LUC7L: variants seen among roughly 807,000 people sequenced by gnomAD.
The protein encoded by LUC7L is LUC7 like, also known as putative RNA-binding protein Luc7-like 1.
A neutral mutation model predicts 51.1 loss-of-function variants in LUC7L; 29 were observed. The observed-to-expected ratio is 0.57, with a 90% CI of 0.42 to 0.77. The LOEUF is 0.77. LUC7L is among the 30% of genes least tolerant of loss of function. The pLI is 0.00. For synonymous variants in LUC7L, 181 were observed against 180.7 expected (o/e 1.00, Z -0.01); for missense variants, 403 against 511.9 (o/e 0.79, Z 2.05).
chr16:205,940 T>G, intron 5 of LUC7L, 64 bp downstream of exon 5: 1 of 1,554,744 alleles, frequency 6.4e-7, no homozygotes, highest in South Asian at 1.2e-5. Context: ...CTCAATTAAT[T>G]CCAACGGTCA....
intron 6 of LUC7L, among the ~76,000 whole-genome samples, chr16:198,151 C>G (rs1426928338): frequency 2.0e-5 from 3 of 151,620 alleles, no homozygotes; most frequent in Non-Finnish European, 4.4e-5. Flanking sequence ...TGGTGGCAGG[C>G]ACCTGTAGTC....
At chr16:229,115 C>G in intron 1 of LUC7L, 164 bp downstream of exon 1, 1 of 1,402,704 alleles carries the variant, frequency 7.1e-7, no homozygotes, top group East Asian at 2.8e-5. Context: ...AGAGACGCAC[C>G]GGCTTAGACA....
At chr16:209,608 A>G (rs1316182070) in intron 3 of LUC7L, 2 of 152,158 alleles carry the variant, frequency 1.3e-5, no homozygotes, top group East Asian at 1.9e-4. Context: ...TGATAAACAT[A>G]AATAAGTTTG....
chr16:211,162 C>CT (rs2049629283), intron 3 of LUC7L, among the ~76,000 whole-genome samples: 1 of 151,846 alleles, frequency 6.6e-6, no homozygotes, highest in South Asian at 2.1e-4. Context: ...GAAACCCCAT[C>CT]TCTACTAAAA....
chr16:195,558 G>C (rs1350306342), intron 6 of LUC7L, among the ~76,000 whole-genome samples: 1 of 152,114 alleles, frequency 6.6e-6, no homozygotes, highest in Non-Finnish European at 1.5e-5. Flanking sequence ...TGAGTAGCTG[G>C]ACCTACAGGC....
At chr16:200,970 G>A (rs1336016766) in intron 5 of LUC7L, among the ~76,000 whole-genome samples, 1 of 151,650 alleles carries the variant, frequency 6.6e-6, no homozygotes, top group African/African-American at 2.4e-5. Flanking sequence ...GGATCACAAG[G>A]TCAGGAGTCC....
At chr16:213,883 A>G (rs2049713938) in intron 3 of LUC7L, among the ~76,000 whole-genome samples, 1 of 148,136 alleles carries the variant, frequency 6.8e-6, no homozygotes, top group Non-Finnish European at 1.5e-5. Context: ...CCTGGCTAAT[A>G]TTTTCTATTT....
intron 6 of LUC7L, among the ~76,000 whole-genome samples, chr16:197,139 C>G (rs1424337617): frequency 1.3e-5 from 2 of 150,584 alleles, no homozygotes; most frequent in African/African-American, 4.9e-5. Flanking sequence ...ATCTCCTGAC[C>G]CAGTGATCTG....
chr16:198,868 C>T (rs943522031), intron 6 of LUC7L, among the ~76,000 whole-genome samples, 194 bp downstream of exon 6: 2 of 151,904 alleles, frequency 1.3e-5, no homozygotes, highest in Admixed American at 6.6e-5. Flanking sequence ...TCGGTAGAGA[C>T]GGGGTTTCAC....
intron 3 of LUC7L, among the ~76,000 whole-genome samples, chr16:214,075 G>GTT: frequency 6.8e-6 from 1 of 146,672 alleles, no homozygotes; most frequent in African/African-American, 2.5e-5. Flanking sequence ...ATGAGCAATT[G>GTT]TTTTTTTTTT....
At chr16:191,917 CT>C (rs1456885926) in intron 7 of LUC7L, among the ~76,000 whole-genome samples, 2 of 152,190 alleles carry the variant, frequency 1.3e-5, no homozygotes, top group East Asian at 3.9e-4. Context: ...GTTTGGGAAC[CT>C]TCCTGGACAA....
intron 3 of LUC7L, among the ~76,000 whole-genome samples, chr16:211,373 G>A (rs542357747): frequency 2.0e-5 from 3 of 151,668 alleles, no homozygotes; most frequent in Admixed American, 6.6e-5. Flanking sequence ...CAGGAGAATC[G>A]CTTGAACCTG....
chr16:223,589 C>T (rs888706226), intron 2 of LUC7L, among the ~76,000 whole-genome samples: 1 of 152,064 alleles, frequency 6.6e-6, no homozygotes, highest in Non-Finnish European at 1.5e-5. Context: ...AGAGATAGGA[C>T]AATAGTGGTT....
rs369071194 is a variant in LUC7L, at chr16:223,087, CG to C, written c.157-2341del. On this transcript the variant is annotated intron_variant, in intron 2 of 9. Transcript: ENST00000293872. ...AGCATGTAGCATGCTAGGCTGGGCACGGTGGCTCACTCCTGTAATCCCAGCA... is the reference window on the plus strand; with the variant it reads ...AGCATGTAGCATGCTAGGCTGGGCACGTGGCTCACTCCTGTAATCCCAGCA... Among the ~76,000 whole-genome samples the C allele has an allele frequency of 2.4e-4, 37 of 151,542 alleles. No individual in the cohort carries two copies. In the East Asian group the frequency reaches 5.9e-3, roughly 24 times the overall value.
chr16:214,764 G>A (rs112551236), intron 3 of LUC7L, among the ~76,000 whole-genome samples: 9 of 152,208 alleles, frequency 5.9e-5, no homozygotes, highest in African/African-American at 1.7e-4. Context: ...GGGCTCATGC[G>A]ACCCACCCAC....
intron 3 of LUC7L, among the ~76,000 whole-genome samples, chr16:210,204 T>C (rs185518385): frequency 6.6e-6 from 1 of 152,226 alleles, no homozygotes; most frequent in East Asian, 1.9e-4. Flanking sequence ...GGAGAACTGC[T>C]TGAACCTGGG....
In LUC7L at chr16:224,259, C is replaced by T. The variant is rs573447376; in HGVS notation, c.156+2983G>A. On this transcript the variant is annotated intron_variant, in intron 2 of 9. Transcript: ENST00000293872. ...TGAGGCCGAGCGCGGTGGCTCATGC[C>T]TATAATCCCAGCACTTTGGGAGGCC... is the stretch of plus-strand genomic sequence containing the variant. 1.3e-3 allele frequency among the ~76,000 whole-genome samples: 196 copies of T among 152,024 alleles called. 1 individual carries two copies. The highest frequency in any genetic ancestry group is 4.3e-3 in the African/African-American group (179 of 41,470).
chr16:196,778 C>CA (rs1181788821), intron 6 of LUC7L, among the ~76,000 whole-genome samples: 1 of 152,086 alleles, frequency 6.6e-6, no homozygotes, highest in Non-Finnish European at 1.5e-5. Flanking sequence ...CCGCCCTCCT[C>CA]AGCCTCCCAA....
chr16:206,530 G>C (rs543129820), intron 4 of LUC7L, among the ~76,000 whole-genome samples: 3 of 152,052 alleles, frequency 2.0e-5, no homozygotes, highest in Admixed American at 6.6e-5. Context: ...AAATAGCACC[G>C]TTGGTCAAAT....
Sources: allele counts gnomAD v4.1 joint callset (sites outside exome capture counted in the v4.1 genomes callset), GRCh38; gene constraint gnomAD v4.1.1; transcripts MANE v1.5; gene names NCBI Gene and HGNC (gene_info 2026-07-23, HGNC 2026-07-21).